PABPC1: variants seen among roughly 807,000 people sequenced by gnomAD.
PABPC1 encodes poly(A) binding protein cytoplasmic 1.
PABPC1 carries 4 observed loss-of-function variants against 74.0 expected under a neutral mutation model. That is an observed-to-expected ratio of 0.05 (90% CI 0.03 to 0.12). The LOEUF (loss-of-function observed/expected upper bound fraction) is 0.12. Among genes scored for constraint, PABPC1 ranks in the 10% least tolerant of loss-of-function variants. PABPC1 has a pLI of 1.00. For synonymous variants in PABPC1, 227 were observed against 264.1 expected, an observed-to-expected ratio of 0.86 and a Z score of 1.36; for missense variants, 271 against 821.1, an observed-to-expected ratio of 0.33 and a Z score of 8.19.
chr8:100,704,122 T>G, intron 14 of PABPC1, 175 bp downstream of exon 14: 1 of 495,096 alleles, frequency 2.0e-6, no homozygotes, highest in Non-Finnish European at 3.6e-6. Flanking sequence ...AGTTAACGGG[T>G]AAAATTCCTT....
chr8:100,713,038 G>T, intron 5 of PABPC1, 49 bp downstream of exon 5: 3 of 1,305,252 alleles, frequency 2.3e-6, no homozygotes, highest in Non-Finnish European at 2.2e-6. Flanking sequence ...CAACACAAGA[G>T]CAACTCAACT....
intron 4 of PABPC1, among the ~76,000 whole-genome samples, chr8:100,713,925 G>GA (rs34275030): frequency 0.6 from 90,909 of 151,844 alleles, 29,941 homozygotes; most frequent in African/African-American, 0.9. Flanking sequence ...GAAAGACAGG[G>GA]AAAAAAAATT....
At chr8:100,703,447 T>G (rs1810297265) in intron 14 of PABPC1, 88 bp from the exon 15 acceptor site, 1 of 152,540 alleles carries the variant, frequency 6.6e-6, no homozygotes, top group African/African-American at 2.4e-5. Flanking sequence ...ATGTGGTTGT[T>G]TTTATCCATA....
At chr8:100,714,419 C>T (rs905249203) in intron 4 of PABPC1, among the ~76,000 whole-genome samples, 1 of 152,108 alleles carries the variant, frequency 6.6e-6, no homozygotes, top group African/African-American at 2.4e-5. Context: ...ATGTGACATG[C>T]TAGCATGGCA....
At chr8:100,704,783 T>C (rs137857877) in intron 13 of PABPC1, 143 bp downstream of exon 13, 60 of 825,468 alleles carry the variant, frequency 7.3e-5, no homozygotes, top group Middle Eastern at 3.8e-4. Flanking sequence ...TGGGGATAAA[T>C]AGCGCCACAG....
chr8:100,712,520 T>G, intron 6 of PABPC1, 63 bp from the exon 7 acceptor site: 1 of 1,449,908 alleles, frequency 6.9e-7, no homozygotes, highest in Non-Finnish European at 9.5e-7. Flanking sequence ...GTACATCGGG[T>G]CTATTATTTT....
rs1303879072 is a variant in PABPC1, at chr8:100,721,336, G to T, written c.193+55C>A. The T allele has an allele frequency of 6.6e-5, 58 of 875,896 alleles. No homozygotes were observed. The highest frequency in any genetic ancestry group is 8.5e-5 in the Non-Finnish European group (58 of 681,524). The allele number at this position is 875,896 out of a possible 1,614,324, so 54.3% of individuals were successfully genotyped here. On this transcript the variant is annotated intron_variant, in intron 1 of 14. Transcript: ENST00000318607. The surrounding 1 kb of genome is among the most constrained non-coding windows in gnomAD (Gnocchi z 7.4). ...CCGGCCTACCCCGCCCGCCGCCGCC[G>T]CCCGAGCCTCATGGCCGCCCGCCCG...
At chr8:100,720,961 A>C (rs1810807769) in intron 1 of PABPC1, among the ~76,000 whole-genome samples, 1 of 152,098 alleles carries the variant, frequency 6.6e-6, no homozygotes, top group African/African-American at 2.4e-5. Flanking sequence ...CGAGCACAGA[A>C]CTGCACTTCC....
rs531264717 is a variant in PABPC1 at position 100,706,450 on chromosome 8, C to T, written c.1602+201G>A. Among the ~76,000 whole-genome samples the T allele has an allele frequency of 1.1e-4, 16 of 152,060 alleles. No individual in the cohort carries two copies. The East Asian group carries it at 2.7e-3, about 26-fold the overall frequency. On this transcript the variant is annotated intron_variant, in intron 11 of 14. Coordinates refer to ENST00000318607, the MANE Select transcript of PABPC1 (RefSeq NM_002568.4). Reference sequence around the variant, plus strand: ...CTAGGACTACAGGCTTATGCCACCACACCCAGCTAGTTTTCTTTGTGGAGA... The same window carrying T: ...CTAGGACTACAGGCTTATGCCACCATACCCAGCTAGTTTTCTTTGTGGAGA...
In PABPC1 at chr8:100,703,060, G is replaced by A. The variant is rs1429547922; in HGVS notation, c.*301C>T. ...GAATTACAAAATTAAAGAAAGGAAT[G>A]CTTTAAATTTTTGTACTTTGCTGAA... is the stretch of plus-strand genomic sequence containing the variant. On this transcript the variant is annotated 3_prime_UTR_variant, in exon 15 of 15. Transcript: ENST00000318607. The A allele has an allele frequency of 7.7e-6, 1 of 129,884 alleles. No homozygotes were observed. The highest frequency in any genetic ancestry group is 8.2e-5 in the Admixed American group (1 of 12,220). The allele number at this position is 129,884 out of a possible 1,614,324, so 8.0% of individuals were successfully genotyped here. A position where few individuals can be genotyped will look rare whatever the true frequency, so the allele number is the denominator to read the frequency against.
At chr8:100,713,054 C>A (rs1310637613) in intron 5 of PABPC1, 33 bp downstream of exon 5, 6 of 1,431,544 alleles carry the variant, frequency 4.2e-6, no homozygotes, top group Non-Finnish European at 3.9e-6. Context: ...CAACTTTGTA[C>A]CCCCTTCTTC....
chr8:100,721,464 G>A lies in PABPC1; in HGVS notation c.120C>T (p.Ile40=). 1 of 1,611,686 alleles carries A rather than the reference G, an allele frequency of 6.2e-7. No individual in the cohort carries two copies. The highest frequency in any genetic ancestry group is 1.1e-5 in the South Asian group (1 of 90,946). The part of the protein sequence containing the change: ...KFSPAGPILS[I]RVCRDMITRR... ...GGGTGATCATGTCCCTGCAGACCCG[G>A]ATGGAGAGGATGGGCCCGGCCGGGC... The change falls in exon 1 of 15, where the codon ATC becomes ATT. Residue 40 remains isoleucine, a synonymous_variant. Coordinates refer to ENST00000318607, the MANE Select transcript of PABPC1 (RefSeq NM_002568.4). The surrounding 1 kb of genome is among the most constrained non-coding windows in gnomAD (Gnocchi z 7.4).
At chr8:100,715,686 G>A (rs2129735195) in intron 3 of PABPC1, 85 bp from the exon 4 acceptor site, 1 of 908,194 alleles carries the variant, frequency 1.1e-6, no homozygotes, top group Admixed American at 2.9e-5. Flanking sequence ...TTTTGTTACT[G>A]TTAATGAGAA....
In PABPC1 at chr8:100,713,184, A is replaced by G; in HGVS notation, c.644-3T>C. The stretch of plus-strand genomic sequence containing the variant: ...TACTTTCACACTTAAGGCAGGCCCT[A>G]AAAAATTTTTTTACATAAATCAAAG... On this transcript the variant is annotated splice_polypyrimidine_tract_variant and splice_region_variant and intron_variant, in intron 4 of 14. Transcript: ENST00000318607. 6.4e-7 allele frequency: 1 copy of G among 1,570,958 alleles called. No homozygotes were observed. The highest frequency in any genetic ancestry group is 2.3e-5 in the East Asian group (1 of 43,990).
At chr8:100,708,943 A>G (rs1346485160) in intron 9 of PABPC1, among the ~76,000 whole-genome samples, 190 bp downstream of exon 9, 1 of 152,100 alleles carries the variant, frequency 6.6e-6, no homozygotes, top group African/African-American at 2.4e-5. Flanking sequence ...AAACTTTTAT[A>G]AAGGGAAATC....
At chr8:100,705,836 T>C (rs1810364846) in intron 11 of PABPC1, among the ~76,000 whole-genome samples, 163 bp from the exon 12 acceptor site, 1 of 152,236 alleles carries the variant, frequency 6.6e-6, no homozygotes, top group Non-Finnish European at 1.5e-5. Context: ...TATTATATAC[T>C]ATGTATCACA....
intron 9 of PABPC1, among the ~76,000 whole-genome samples, chr8:100,708,757 T>A (rs1189239243): frequency 2.0e-5 from 3 of 151,966 alleles, no homozygotes; most frequent in Non-Finnish European, 4.4e-5. Context: ...GCACCTGTAA[T>A]CCCAGCTACT....
At chr8:100,705,453 A>T (rs1048384335) in intron 12 of PABPC1, 136 bp downstream of exon 12, 12 of 721,732 alleles carry the variant, frequency 1.7e-5, no homozygotes, top group Non-Finnish European at 3.1e-5. Context: ...AGGCAGACCA[A>T]CTGTACTATC....
At chr8:100,717,003 T>C (rs1157875641) in intron 3 of PABPC1, among the ~76,000 whole-genome samples, 1 of 151,704 alleles carries the variant, frequency 6.6e-6, no homozygotes, top group Non-Finnish European at 1.5e-5. Context: ...GTAACAGGCA[T>C]TTGTGAGTAT....
Sources: allele counts gnomAD v4.1 joint callset (sites outside exome capture counted in the v4.1 genomes callset), GRCh38; gene constraint gnomAD v4.1.1; non-coding constraint Gnocchi (gnomAD v3.1); transcripts MANE v1.5; gene names NCBI Gene and HGNC (gene_info 2026-07-23, HGNC 2026-07-21).